The following MTA3 variants were observed in gnomAD, a reference collection of about 807,000 sequenced individuals.
MTA3 encodes the protein metastasis associated 1 family member 3.
In MTA3, 34 loss-of-function variants were observed where a neutral mutation model predicts 83.5. The ratio of observed to expected loss-of-function variants is 0.41; its 90% CI spans 0.31 to 0.54. The LOEUF (loss-of-function observed/expected upper bound fraction) is 0.54. MTA3 is among the 20% of genes least tolerant of loss of function. The pLI is 0.33. For synonymous variants in MTA3, 303 were observed against 252.7 expected (o/e 1.20, Z -1.89); for missense variants, 761 against 726.4 (o/e 1.05, Z -0.55).
chr2:42,718,535 T>A (rs893004624), intron 14 of MTA3, among the ~76,000 whole-genome samples: 1 of 151,170 alleles, frequency 6.6e-6, no homozygotes, highest in Non-Finnish European at 1.5e-5. Flanking sequence ...CATGAGCAGG[T>A]GGGCAGAACA....
At chr2:42,618,497 A>T (rs1685175242) in intron 4 of MTA3, among the ~76,000 whole-genome samples, 1 of 152,364 alleles carries the variant, frequency 6.6e-6, no homozygotes, top group East Asian at 1.9e-4. Flanking sequence ...CATAAAAACA[A>T]TATAATTTAT....
At chr2:42,665,813 C>T (rs1400078604) in intron 8 of MTA3, among the ~76,000 whole-genome samples, 2 of 152,162 alleles carry the variant, frequency 1.3e-5, no homozygotes, top group African/African-American at 4.8e-5. Context: ...AGGGACAAAA[C>T]AATACATTGT....
chr2:42,616,366 A>T (rs547958189), intron 4 of MTA3, among the ~76,000 whole-genome samples: 1 of 148,670 alleles, frequency 6.7e-6, no homozygotes, highest in South Asian at 2.1e-4. Flanking sequence ...CGCCTGGCCT[A>T]GGTGGTTCTA....
intron 3 of MTA3, among the ~76,000 whole-genome samples, chr2:42,585,439 A>T (rs933143009): frequency 1.3e-5 from 2 of 151,658 alleles, no homozygotes; most frequent in East Asian, 3.9e-4. Flanking sequence ...GTTCAGTAAC[A>T]ATATGAAAGA....
chr2:42,583,508 C>G (rs1245678782), intron 3 of MTA3, among the ~76,000 whole-genome samples: 1 of 152,040 alleles, frequency 6.6e-6, no homozygotes, highest in African/African-American at 2.4e-5. Context: ...TTTAGTTTTT[C>G]CATTTAAAAA....
chr2:42,718,094 CT>C (rs11351833), intron 14 of MTA3, among the ~76,000 whole-genome samples: 65,100 of 116,044 alleles, frequency 0.56, 17,269 homozygotes, highest in South Asian at 0.74. Flanking sequence ...ACTCTGGTAC[CT>C]TTTTTTTTTT....
rs116058506 is a variant in MTA3, at chr2:42,528,845, T to C, written c.-141+33591T>C. Among the ~76,000 whole-genome samples the C allele has an allele frequency of 8.1e-3, 1,235 of 152,370 alleles. 17 individuals carry two copies. Among genetic ancestry groups the C allele is most frequent in the African/African-American group, 0.028 (1,171 of 41,588 alleles). On this transcript the variant is annotated intron_variant, in intron 2 of 17. Transcript: ENST00000405592. ...CAAGAAGAGGTACAGAGCAACTCCATGCTGCTGTGTGGTCAGAGAATTTAT... is the reference window on the plus strand; with the variant it reads ...CAAGAAGAGGTACAGAGCAACTCCACGCTGCTGTGTGGTCAGAGAATTTAT...
At chr2:42,543,397 C>T (rs1418764719) in intron 2 of MTA3, among the ~76,000 whole-genome samples, 1 of 152,022 alleles carries the variant, frequency 6.6e-6, no homozygotes, top group East Asian at 1.9e-4. Context: ...AGGCTGGTCT[C>T]GAACTCCTGA....
intron 2 of MTA3, among the ~76,000 whole-genome samples, chr2:42,574,178 A>G (rs1370493349): frequency 7.3e-6 from 1 of 137,512 alleles, no homozygotes; most frequent in Admixed American, 7.8e-5. Context: ...GTTCTTGCCC[A>G]GGCTGGAGTA....
At chr2:42,717,127 G>GTTTTTTTTTT (rs66521425) in intron 14 of MTA3, among the ~76,000 whole-genome samples, 1 of 64,928 alleles carries the variant, frequency 1.5e-5, no homozygotes, top group Non-Finnish European at 2.9e-5. Flanking sequence ...TCAGAAAAGA[G>GTTTTTTTTTT]TTTTTTTTTT....
chr2:42,661,947 C>A (rs1689762024), intron 8 of MTA3, among the ~76,000 whole-genome samples: 1 of 152,106 alleles, frequency 6.6e-6, no homozygotes, highest in African/African-American at 2.4e-5. Context: ...TTTCAAGAGC[C>A]AGCCACTGTA....
At chr2:42,729,708 T>C (rs904489599) in intron 16 of MTA3, among the ~76,000 whole-genome samples, 8 of 152,234 alleles carry the variant, frequency 5.3e-5, no homozygotes, top group Admixed American at 3.3e-4. Context: ...TGTAGTATAA[T>C]TTGAAGTCAG....
chr2:42,681,094 G>C (rs923796526), intron 8 of MTA3, among the ~76,000 whole-genome samples: 1 of 152,062 alleles, frequency 6.6e-6, no homozygotes, highest in Non-Finnish European at 1.5e-5. Context: ...AAGTAACCTC[G>C]GGCCCAGGAG....
At chr2:42,711,775 A>AGTGTGTGTTTGTGT (rs372997456) in intron 14 of MTA3, among the ~76,000 whole-genome samples, 18,783 of 139,192 alleles carry the variant, frequency 0.13, 1,606 homozygotes, top group East Asian at 0.21. Flanking sequence ...TGTATAGGAG[A>AGTGTGTGTTTGTGT]GAGAGAGAGT....
chr2:42,727,434 C>G (rs985465900), intron 16 of MTA3, among the ~76,000 whole-genome samples: 2 of 152,152 alleles, frequency 1.3e-5, no homozygotes, highest in East Asian at 1.9e-4. Context: ...TTACTGCTAG[C>G]AAACCAGGTA....
At chr2:42,662,866 G>T (rs1301641806) in intron 8 of MTA3, among the ~76,000 whole-genome samples, 1 of 151,808 alleles carries the variant, frequency 6.6e-6, no homozygotes, top group East Asian at 1.9e-4. Context: ...CGAGTAGCTG[G>T]GATTACAGGC....
chr2:42,497,543 C>T (rs151155471), intron 2 of MTA3, among the ~76,000 whole-genome samples: 1 of 151,810 alleles, frequency 6.6e-6, no homozygotes, highest in Non-Finnish European at 1.5e-5. Context: ...CGAGATCGCT[C>T]CACTGCCCTT....
In MTA3 at chr2:42,560,744, G is replaced by GA. The variant is rs1024832241; in HGVS notation, c.-140-9681dup. Among the ~76,000 whole-genome samples the GA allele has an allele frequency of 2.1e-3, 301 of 143,956 alleles. 5 individuals are homozygous for GA. The highest frequency in any genetic ancestry group is 6.1e-3 in the African/African-American group (240 of 39,470). 94.4% of individuals were successfully genotyped at this position (143,956 alleles called of 152,430 possible). A position where few individuals can be genotyped will look rare whatever the true frequency, so the allele number is the denominator to read the frequency against. On this transcript the variant is annotated intron_variant, in intron 2 of 17. Coordinates refer to the MTA3 transcript ENST00000405592. ...ACATAGTAAAACTCCATCTCTACTGGAAAAAAAAAAAATTAGCGGGGATAT... is the reference window on the plus strand; with the variant it reads ...ACATAGTAAAACTCCATCTCTACTGGAAAAAAAAAAAAATTAGCGGGGATAT...
At chr2:42,599,899 A>G (rs1026995537) in intron 3 of MTA3, among the ~76,000 whole-genome samples, 3 of 152,030 alleles carry the variant, frequency 2.0e-5, no homozygotes, top group Admixed American at 1.3e-4. Context: ...AAGACTTTTT[A>G]AAAAACTTGC....
Sources: gnomAD v4.1 joint callset for allele counts (sites outside exome capture counted in the v4.1 genomes callset) on GRCh38, gnomAD v4.1.1 for gene constraint, MANE v1.5 for transcripts, NCBI Gene and HGNC (gene_info 2026-07-23, HGNC 2026-07-21) for gene names.